The following GDA variants were observed in gnomAD, a reference collection of about 807,000 sequenced individuals.
GDA encodes the protein guanine deaminase, also known as cytoplasmic PSD-95 interactor.
A neutral mutation model predicts 59.6 loss-of-function variants in GDA; 18 were observed. That is an observed-to-expected ratio of 0.30 (90% CI 0.21 to 0.45). The LOEUF is 0.45. Ranked by LOEUF, GDA falls within the 20% of genes least tolerant of loss-of-function variation. The probability of loss-of-function intolerance (pLI) is 1.00; values close to 1 mark genes in which losing one functional copy is unlikely to be tolerated. For synonymous variants in GDA, 201 were observed against 201.1 expected (o/e 1.00, Z 0.00); for missense variants, 427 against 552.3 (o/e 0.77, Z 2.27).
chr9:72,196,653 C>A (rs1833223376), intron 2 of GDA, among the ~76,000 whole-genome samples: 1 of 152,026 alleles, frequency 6.6e-6, no homozygotes, highest in Non-Finnish European at 1.5e-5. Flanking sequence ...TATACATGTG[C>A]CATGGTGGTT....
intron 6 of GDA, among the ~76,000 whole-genome samples, chr9:72,221,044 C>T (rs1426101278): frequency 6.6e-6 from 1 of 152,176 alleles, no homozygotes; most frequent in Non-Finnish European, 1.5e-5. Flanking sequence ...TTCTTTCCAT[C>T]TAACTTTGGG....
chr9:72,256,977 G>C (rs550179091), downstream of GDA: 3 of 152,346 alleles, frequency 2.0e-5, no homozygotes, highest in Non-Finnish European at 4.4e-5. Flanking sequence ...GCAGATAACT[G>C]TTGTTGTTTC....
chr9:72,151,856 G>T (rs1026782211), intron 1 of GDA, among the ~76,000 whole-genome samples: 1 of 152,080 alleles, frequency 6.6e-6, no homozygotes, highest in Non-Finnish European at 1.5e-5. Flanking sequence ...CCCTGCCTCG[G>T]CCTCCCAAAG....
intron 7 of GDA, among the ~76,000 whole-genome samples, chr9:72,224,768 A>T (rs1202703523): frequency 6.7e-6 from 1 of 149,734 alleles, no homozygotes; most frequent in Non-Finnish European, 1.5e-5. Flanking sequence ...TAATATATTC[A>T]GTGCCGAGAG....
chr9:72,243,094 G>A (rs1839804229), intron 11 of GDA, among the ~76,000 whole-genome samples: 1 of 152,104 alleles, frequency 6.6e-6, no homozygotes, highest in South Asian at 2.1e-4. Context: ...TTTAAAGTGT[G>A]GCATTTTCCC....
At chr9:72,193,232 T>A (rs1251227094) in intron 1 of GDA, among the ~76,000 whole-genome samples, 2 of 152,244 alleles carry the variant, frequency 1.3e-5, no homozygotes, top group African/African-American at 4.8e-5. Flanking sequence ...GTATTTATTA[T>A]ACTTGTCACT....
At chr9:72,233,813 G>A (rs553365119) in intron 10 of GDA, among the ~76,000 whole-genome samples, 64 of 152,214 alleles carry the variant, frequency 4.2e-4, no homozygotes, top group East Asian at 1.4e-3. Context: ...ATGGTGACAT[G>A]CACTTGTAAT....
At chr9:72,183,711 G>A (rs916281035) in intron 1 of GDA, among the ~76,000 whole-genome samples, 2 of 152,136 alleles carry the variant, frequency 1.3e-5, no homozygotes, top group African/African-American at 4.8e-5. Flanking sequence ...GTGCCTCATA[G>A]GGTTCTTGTG....
intron 1 of GDA, among the ~76,000 whole-genome samples, chr9:72,178,179 T>C (rs931644171): frequency 7.2e-5 from 11 of 152,222 alleles, no homozygotes; most frequent in Non-Finnish European, 1.6e-4. Context: ...TTACTGATCA[T>C]GATGCACGTC....
At chr9:72,206,714 A>C (rs1235087039) in intron 3 of GDA, among the ~76,000 whole-genome samples, 1 of 152,116 alleles carries the variant, frequency 6.6e-6, no homozygotes, top group Non-Finnish European at 1.5e-5. Context: ...TGGAGGTTGC[A>C]GTGAGCCAAG....
At chr9:72,185,434 T>C (rs1339435784) in intron 1 of GDA, among the ~76,000 whole-genome samples, 3 of 152,206 alleles carry the variant, frequency 2.0e-5, no homozygotes, top group Admixed American at 1.3e-4. Flanking sequence ...ATTCGCCCCA[T>C]TGTACTAGTC....
intron 10 of GDA, among the ~76,000 whole-genome samples, chr9:72,235,410 C>T (rs762914229): frequency 6.6e-6 from 1 of 152,162 alleles, no homozygotes; most frequent in South Asian, 2.1e-4. Flanking sequence ...AAGAATTTTC[C>T]AAGTATAATA....
At chr9:72,125,991 A>C (rs936572202) in intron 1 of GDA, among the ~76,000 whole-genome samples, 2 of 152,154 alleles carry the variant, frequency 1.3e-5, no homozygotes, top group Non-Finnish European at 2.9e-5. Flanking sequence ...ATCTCGGCTC[A>C]CTGCAACCTC....
chr9:72,178,976 T>G (rs1490454219), intron 1 of GDA, among the ~76,000 whole-genome samples: 1 of 152,142 alleles, frequency 6.6e-6, no homozygotes, highest in East Asian at 1.9e-4. Context: ...CAAACTGTCT[T>G]CTCCAAATTG....
chr9:72,254,281 A>G (rs1840837965), downstream of GDA, among the ~76,000 whole-genome samples: 1 of 152,200 alleles, frequency 6.6e-6, no homozygotes, highest in Non-Finnish European at 1.5e-5. Flanking sequence ...TATCATACTT[A>G]AAAAATTGTT....
chr9:72,147,897 C>T (rs912930657), upstream of GDA, among the ~76,000 whole-genome samples: 2 of 152,166 alleles, frequency 1.3e-5, no homozygotes, highest in Non-Finnish European at 2.9e-5. Context: ...GCAGAGATTC[C>T]TAATTCTGGA....
chr9:72,123,839 A>G (rs1204166576), intron 1 of GDA, among the ~76,000 whole-genome samples: 1 of 152,108 alleles, frequency 6.6e-6, no homozygotes, highest in Non-Finnish European at 1.5e-5. Flanking sequence ...GAACTTGTGC[A>G]GTTTCTAAAT....
At chr9:72,173,422 C>T (rs1029419449) in intron 1 of GDA, among the ~76,000 whole-genome samples, 17 of 151,872 alleles carry the variant, frequency 1.1e-4, no homozygotes, top group African/African-American at 4.1e-4. Flanking sequence ...CCTCTGCCTC[C>T]TGGGTTCAAG....
intron 1 of GDA, among the ~76,000 whole-genome samples, chr9:72,141,174 C>A (rs1487477034): frequency 4.6e-5 from 7 of 151,824 alleles, no homozygotes; most frequent in Admixed American, 4.6e-4. Context: ...ACAAAGAATT[C>A]CAAAAACACA....
Sources: gnomAD v4.1 joint callset for allele counts (sites outside exome capture counted in the v4.1 genomes callset) on GRCh38, gnomAD v4.1.1 for gene constraint, MANE v1.5 for transcripts, NCBI Gene and HGNC (gene_info 2026-07-23, HGNC 2026-07-21) for gene names.